The following ALPL variants were observed in gnomAD, a reference collection of about 807,000 sequenced individuals.
The protein encoded by ALPL is alkaline phosphatase, tissue-nonspecific isozyme.
Under a neutral mutation model 51.3 loss-of-function variants are expected in ALPL, and 42 were observed. The observed-to-expected ratio is 0.82, with a 90% CI of 0.64 to 1.06. The LOEUF is 1.06. Among genes scored for constraint, ALPL ranks in the 50% least tolerant of loss-of-function variants. The probability of loss-of-function intolerance (pLI) is 0.00; values close to 1 mark genes in which losing one functional copy is unlikely to be tolerated. For missense variants in ALPL, 589 were observed against 709.4 expected (o/e 0.83, Z 1.93); for synonymous variants, 279 against 296.4 (o/e 0.94, Z 0.60).
intron 1 of ALPL, among the ~76,000 whole-genome samples, chr1:21,548,142 G>A (rs898323849): frequency 2.6e-5 from 4 of 152,176 alleles, no homozygotes; most frequent in Admixed American, 2.0e-4. Context: ...ACACACACCC[G>A]GAGGCCCCAT....
chr1:21,514,436 A>G (rs1424050441), intron 1 of ALPL, among the ~76,000 whole-genome samples: 1 of 152,196 alleles, frequency 6.6e-6, no homozygotes, highest in Non-Finnish European at 1.5e-5. Flanking sequence ...GACAGGAAAC[A>G]CGATCTTGCA....
At chr1:21,525,401 C>T (rs56240604) in intron 1 of ALPL, among the ~76,000 whole-genome samples, 20,997 of 152,232 alleles carry the variant, frequency 0.14, 1,552 homozygotes, top group Middle Eastern at 0.21. Flanking sequence ...ATGGAGGCAG[C>T]GCTTGTCTTG....
At chr1:21,519,352 T>G (rs1463704602) in intron 1 of ALPL, among the ~76,000 whole-genome samples, 1 of 152,242 alleles carries the variant, frequency 6.6e-6, no homozygotes, top group Non-Finnish European at 1.5e-5. Flanking sequence ...GCCCGCGGCC[T>G]CTGCGTCTTT....
chr1:21,556,570 A>G (rs1644416842), intron 2 of ALPL, among the ~76,000 whole-genome samples: 1 of 151,992 alleles, frequency 6.6e-6, no homozygotes, highest in South Asian at 2.1e-4. Context: ...TGAGCCCAGG[A>G]TTTCAAGATT....
At chr1:21,561,386 C>T (rs1310313403) in intron 4 of ALPL, among the ~76,000 whole-genome samples, 174 bp downstream of exon 4, 2 of 152,162 alleles carry the variant, frequency 1.3e-5, no homozygotes, top group Non-Finnish European at 2.9e-5. Flanking sequence ...CATCACTGTA[C>T]CTGCTTGCGG....
intron 1 of ALPL, among the ~76,000 whole-genome samples, chr1:21,531,112 C>T (rs1570200381): frequency 1.3e-5 from 2 of 151,982 alleles, no homozygotes; most frequent in African/African-American, 4.8e-5. Flanking sequence ...CACCACCACA[C>T]CCGGCTAATT....
intron 1 of ALPL, among the ~76,000 whole-genome samples, chr1:21,522,326 G>A (rs1036498778): frequency 3.3e-5 from 5 of 152,110 alleles, no homozygotes; most frequent in Admixed American, 2.0e-4. Flanking sequence ...CGCCCGCCTT[G>A]GCCTCCCAAA....
In ALPL at chr1:21,577,818, C is replaced by T. The variant is rs957793311; in HGVS notation, c.*170C>T. The T allele has an allele frequency of 3.0e-5, 27 of 910,752 alleles. No homozygotes were observed. Among genetic ancestry groups the T allele is most frequent in the Non-Finnish European group, 4.2e-5 (26 of 618,236 alleles). The allele number at this position is 910,752 out of a possible 1,614,324, so 56.4% of individuals were successfully genotyped here. ...CCACCTCGCTCCCCTCTGGAATCTT[C>T]CCCAAGGGCCAAACCCACTTCTGGC... On this transcript the variant is annotated 3_prime_UTR_variant, in exon 12 of 12. Coordinates refer to ENST00000374840, the MANE Select transcript of ALPL (RefSeq NM_000478.6).
intron 1 of ALPL, among the ~76,000 whole-genome samples, chr1:21,531,807 GGAGA>G (rs1644033985): frequency 6.6e-6 from 1 of 152,188 alleles, no homozygotes; most frequent in African/African-American, 2.4e-5. Context: ...AGAGGCAAGA[GGAGA>G]ACTCAAACCC....
intron 11 of ALPL, 120 bp from the exon 12 acceptor site, chr1:21,577,263 T>C: frequency 6.6e-7 from 1 of 1,517,860 alleles, no homozygotes; most frequent in South Asian, 1.1e-5. Flanking sequence ...ACATTGAGCC[T>C]CCTTTTCCTC....
rs548073058 is a variant in ALPL, at chr1:21,574,190, C to G, written c.997+391C>G. ...TGATGTTCCCAGGCTCTTTCAGCGC[C>G]GGCCAGGGGCCTTGCAGACAGACCT... On this transcript the variant is annotated intron_variant, in intron 9 of 11. Coordinates refer to ENST00000374840, the MANE Select transcript of ALPL (RefSeq NM_000478.6). The G allele has an allele frequency of 8.1e-6, 8 of 985,334 alleles. No homozygotes were observed. The Admixed American group carries it at 1.8e-4, about 23-fold the overall frequency. The allele number at this position is 985,334 out of a possible 1,614,324, so 61.0% of individuals were successfully genotyped here. A position where few individuals can be genotyped will look rare whatever the true frequency, so the allele number is the denominator to read the frequency against.
chr1:21,524,728 G>C lies in ALPL; in HGVS notation c.-105+15211G>C, dbSNP rs138175026. Among the ~76,000 whole-genome samples, 377 of 152,294 alleles carry C rather than the reference G, an allele frequency of 2.5e-3. 1 individual carries two copies. The highest frequency in any genetic ancestry group is 6.8e-3 in the Middle Eastern group (2 of 294). On this transcript the variant is annotated intron_variant, in intron 1 of 11. Transcript: ENST00000374840. ...AGCCAGATCTGGGGAGGGGGAGCAAGGCAGGAGTTGAGCAAATAGCAGGAA... is the reference window on the plus strand; with the variant it reads ...AGCCAGATCTGGGGAGGGGGAGCAACGCAGGAGTTGAGCAAATAGCAGGAA...
intron 1 of ALPL, among the ~76,000 whole-genome samples, chr1:21,531,115 G>A (rs928900305): frequency 2.6e-5 from 4 of 151,816 alleles, no homozygotes; most frequent in African/African-American, 7.3e-5. Flanking sequence ...CACCACACCC[G>A]GCTAATTTTT....
In ALPL at chr1:21,515,215, G is replaced by A. The variant is rs915380725; in HGVS notation, c.-105+5698G>A. On this transcript the variant is annotated intron_variant, in intron 1 of 11. Coordinates refer to ENST00000374840, the MANE Select transcript of ALPL (RefSeq NM_000478.6). Reference sequence around the variant, plus strand: ...AGTTTTTAGGTGGCTGAAGCAAATTGCTTTTACTGGAAAAACCAGAAGTGT... The same window carrying A: ...AGTTTTTAGGTGGCTGAAGCAAATTACTTTTACTGGAAAAACCAGAAGTGT... Among the ~76,000 whole-genome samples, 3 of 152,130 alleles carry A rather than the reference G, an allele frequency of 2.0e-5. No individual in the cohort carries two copies. The East Asian group carries it at 5.8e-4, about 29-fold the overall frequency.
At chr1:21,554,829 C>A (rs1644385147) in intron 2 of ALPL, among the ~76,000 whole-genome samples, 2 of 122,972 alleles carry the variant, frequency 1.6e-5, no homozygotes, top group South Asian at 5.2e-4. Flanking sequence ...TTCTTTCTTT[C>A]TTTCTTTCTT....
chr1:21,558,488 G>A (rs889333653), intron 2 of ALPL, among the ~76,000 whole-genome samples: 4 of 152,230 alleles, frequency 2.6e-5, no homozygotes, highest in Non-Finnish European at 2.9e-5. Context: ...CTCTGGCCCC[G>A]GCCTTGCCCA....
chr1:21,563,156 C>T lies in ALPL; in HGVS notation c.344C>T (p.Thr115Ile). 2 of 1,613,826 alleles carry T rather than the reference C, an allele frequency of 1.2e-6. No homozygotes were observed. Among genetic ancestry groups the T allele is most frequent in the Non-Finnish European group, 1.7e-6 (2 of 1,180,008 alleles). Residue 115 changes from threonine to isoleucine, a missense_variant, in exon 5 of 12, where the codon ACC (threonine) becomes ATC (isoleucine). Transcript: ENST00000374840. The part of the protein sequence containing the change: ...AQVPDSAGTA[T>I]AYLCGVKANE... ...GTCCCTGACAGTGCCGGCACCGCCA[C>T]CGCCTACCTGTGTGGGGTGAAGGCC...
chr1:21,563,961 G>T lies in ALPL; in HGVS notation c.473-80G>T. 7.7e-6 allele frequency: 12 copies of T among 1,557,390 alleles called. No individual in the cohort carries two copies. In the South Asian group the frequency reaches 1.4e-4, roughly 18 times the overall value. On this transcript the variant is annotated intron_variant, in intron 5 of 11. Transcript: ENST00000374840. ...CTGAAGCGGGGGCCTGTCTTTAGCG[G>T]GGAGGGGGAAGGGAGGGAGGAGGCC...
At chr1:21,574,258 C>T (rs551559395) in intron 9 of ALPL, 1 of 965,756 alleles carries the variant, frequency 1.0e-6, no homozygotes, top group Non-Finnish European at 1.2e-6. Flanking sequence ...GGTGTGACCT[C>T]TACCTGTGCA....
Sources: allele counts gnomAD v4.1 joint callset (sites outside exome capture counted in the v4.1 genomes callset), GRCh38; gene constraint gnomAD v4.1.1; transcripts MANE v1.5; gene names NCBI Gene and HGNC (gene_info 2026-07-23, HGNC 2026-07-21).